Variants in CCDC148 observed in about 807,000 individuals in gnomAD.
The protein encoded by CCDC148 is coiled-coil domain-containing protein 148.
Under a neutral mutation model 85.7 loss-of-function variants are expected in CCDC148, and 89 were observed. The observed-to-expected ratio is 1.04, with a 90% CI of 0.87 to 1.24. CCDC148 has a LOEUF of 1.24. CCDC148 is among the 50% of genes most tolerant of loss of function. The probability of loss-of-function intolerance (pLI) is 0.00; values close to 1 mark genes in which losing one functional copy is unlikely to be tolerated. For missense variants in CCDC148, 692 were observed against 671.7 expected (o/e 1.03, Z -0.33); for synonymous variants, 230 against 213.9 (o/e 1.08, Z -0.66).
intron 1 of CCDC148, among the ~76,000 whole-genome samples, chr2:158,431,854 C>T (rs1687368151): frequency 6.6e-6 from 1 of 151,988 alleles, no homozygotes. Flanking sequence ...ACAAGGATAG[C>T]TTGAACCTGG....
At chr2:158,284,895 A>C (rs1178476908) in intron 9 of CCDC148, among the ~76,000 whole-genome samples, 2 of 152,260 alleles carry the variant, frequency 1.3e-5, no homozygotes, top group East Asian at 3.8e-4. Context: ...AGCTGAGCTT[A>C]AAATTTTAAG....
intron 11 of CCDC148, among the ~76,000 whole-genome samples, chr2:158,209,829 GA>G (rs1403738121): frequency 1.3e-5 from 2 of 152,132 alleles, no homozygotes; most frequent in Non-Finnish European, 2.9e-5. Flanking sequence ...AATACAGAAA[GA>G]AAAAACCGGT....
chr2:158,388,395 C>A (rs766483466), intron 1 of CCDC148, among the ~76,000 whole-genome samples: 2 of 152,224 alleles, frequency 1.3e-5, no homozygotes, highest in African/African-American at 4.8e-5. Flanking sequence ...AGAGCATGAA[C>A]TCTGGAGCTA....
chr2:158,205,610 T>C (rs557082324), intron 11 of CCDC148, among the ~76,000 whole-genome samples: 7 of 151,936 alleles, frequency 4.6e-5, no homozygotes, highest in Admixed American at 1.3e-4. Flanking sequence ...AGTGGTAAGA[T>C]AGGGATTTTA....
At chr2:158,455,319 TG>T (rs1380343034) in intron 1 of CCDC148, among the ~76,000 whole-genome samples, 2 of 152,114 alleles carry the variant, frequency 1.3e-5, no homozygotes, top group Non-Finnish European at 2.9e-5. Flanking sequence ...CACGTTCACC[TG>T]TTTTGTTCCA....
At position 158,216,361 on chromosome 2, in the gene CCDC148, A is replaced by C. The variant is rs192737158; in HGVS notation, c.1370+4234T>G. ...TATATACGTACTGTAAAAAATCTTT[A>C]AGAACAGCAACAAAAAGCACAATAC... On this transcript the variant is annotated intron_variant, in intron 11 of 13. Coordinates refer to ENST00000283233, the MANE Select transcript of CCDC148 (RefSeq NM_138803.4). 8.4e-4 allele frequency among the ~76,000 whole-genome samples: 125 copies of C among 149,148 alleles called. 2 individuals carry two copies. In the Middle Eastern group the frequency reaches 0.017, roughly 21 times the overall value.
At chr2:158,258,362 C>CTA (rs979195637) in intron 9 of CCDC148, among the ~76,000 whole-genome samples, 2 of 151,758 alleles carry the variant, frequency 1.3e-5, no homozygotes, top group African/African-American at 4.8e-5. Context: ...CATCATTGAG[C>CTA]TACAGTCTTT....
At chr2:158,224,834 A>G (rs1687410801) in intron 10 of CCDC148, among the ~76,000 whole-genome samples, 1 of 152,210 alleles carries the variant, frequency 6.6e-6, no homozygotes, top group African/African-American at 2.4e-5. Flanking sequence ...AACCGGTACC[A>G]GCCACTGCAA....
chr2:158,249,788 C>T (rs183214079), intron 10 of CCDC148, among the ~76,000 whole-genome samples: 69 of 152,212 alleles, frequency 4.5e-4, no homozygotes, highest in Middle Eastern at 3.4e-3. Flanking sequence ...GCTTCTTTGA[C>T]TTAGTTGGTC....
intron 11 of CCDC148, among the ~76,000 whole-genome samples, chr2:158,202,930 G>T (rs757927460): frequency 6.6e-6 from 1 of 152,232 alleles, no homozygotes; most frequent in East Asian, 1.9e-4. Flanking sequence ...AAGGAAAGGG[G>T]CTCTCTTAGA....
At chr2:158,236,534 T>G (rs1465735891) in intron 10 of CCDC148, among the ~76,000 whole-genome samples, 1 of 152,188 alleles carries the variant, frequency 6.6e-6, no homozygotes, top group Non-Finnish European at 1.5e-5. Flanking sequence ...GATGTTGTAT[T>G]TCAAAACCTG....
At chr2:158,222,435 G>A (rs1428231523) in intron 10 of CCDC148, among the ~76,000 whole-genome samples, 1 of 151,888 alleles carries the variant, frequency 6.6e-6, no homozygotes, top group Non-Finnish European at 1.5e-5. Flanking sequence ...TTCAGGCATT[G>A]CTATAGTATA....
intron 9 of CCDC148, among the ~76,000 whole-genome samples, chr2:158,254,469 C>T (rs1688929383): frequency 6.6e-6 from 1 of 151,532 alleles, no homozygotes; most frequent in Non-Finnish European, 1.5e-5. Flanking sequence ...GAATGGATAA[C>T]TGTTGAAGTT....
chr2:158,361,214 G>A (rs1410188574), intron 1 of CCDC148, among the ~76,000 whole-genome samples: 1 of 151,880 alleles, frequency 6.6e-6, no homozygotes, highest in Non-Finnish European at 1.5e-5. Flanking sequence ...ATACCTGAAA[G>A]TGACAGGGAG....
chr2:158,419,302 TA>T (rs1361625989), intron 1 of CCDC148, among the ~76,000 whole-genome samples: 30 of 152,206 alleles, frequency 2.0e-4, no homozygotes, highest in Admixed American at 1.5e-3. Context: ...AAGGTTATAT[TA>T]AGAATGAGTC....
At chr2:158,430,916 C>G (rs577209005) in intron 1 of CCDC148, among the ~76,000 whole-genome samples, 8 of 151,182 alleles carry the variant, frequency 5.3e-5, no homozygotes, top group Admixed American at 3.3e-4. Context: ...ATTTCTAGAG[C>G]TGAAAAAATA....
intron 10 of CCDC148, among the ~76,000 whole-genome samples, chr2:158,237,554 T>C (rs1688163553): frequency 6.6e-6 from 1 of 152,144 alleles, no homozygotes; most frequent in African/African-American, 2.4e-5. Context: ...CCTTTCGGCC[T>C]GAGTGCTAGC....
At chr2:158,383,923 G>A (rs1442042142) in intron 1 of CCDC148, among the ~76,000 whole-genome samples, 2 of 152,126 alleles carry the variant, frequency 1.3e-5, no homozygotes, top group South Asian at 2.1e-4. Context: ...TCGCTGTCAC[G>A]TCTCCTTAGT....
chr2:158,320,007 T>C (rs1692451977), intron 7 of CCDC148, among the ~76,000 whole-genome samples: 1 of 152,232 alleles, frequency 6.6e-6, no homozygotes, highest in African/African-American at 2.4e-5. Flanking sequence ...CATGTTACCA[T>C]TTTATTCTTC....
Sources: allele counts gnomAD v4.1 joint callset (sites outside exome capture counted in the v4.1 genomes callset), GRCh38; gene constraint gnomAD v4.1.1; transcripts MANE v1.5; gene names NCBI Gene and HGNC (gene_info 2026-07-23, HGNC 2026-07-21).